Variants in POLQ observed in about 807,000 individuals in gnomAD.
POLQ encodes the protein epididymis secretory sperm binding protein.
In POLQ, 233 loss-of-function variants were observed where a neutral mutation model predicts 259.2. The ratio of observed to expected loss-of-function variants is 0.90; its 90% CI spans 0.81 to 1.00. The LOEUF is 1.00. Ranked by LOEUF, POLQ falls within the 50% of genes least tolerant of loss-of-function variation. The pLI is 0.00. For missense variants in POLQ, 2,871 were observed against 3,051.6 expected (o/e 0.94, Z 1.39); for synonymous variants, 1,025 against 1,048.8 (o/e 0.98, Z 0.44).
intron 14 of POLQ, chr3:121,494,467 G>C: frequency 6.7e-7 from 1 of 1,497,218 alleles, no homozygotes; most frequent in Non-Finnish European, 9.2e-7. Context: ...GGGCCAAGAA[G>C]AAAGCTGCTG....
chr3:121,462,211 AC>A (rs1204025967), intron 24 of POLQ, among the ~76,000 whole-genome samples: 2 of 152,190 alleles, frequency 1.3e-5, no homozygotes, highest in Non-Finnish European at 2.9e-5. Context: ...AATGGCCACA[AC>A]TTTGGTGGAC....
intron 14 of POLQ, chr3:121,494,841 A>T (rs778717917): frequency 6.9e-5 from 110 of 1,584,576 alleles, no homozygotes; most frequent in Middle Eastern, 2.3e-4. Context: ...CTGGGTCCTA[A>T]GTCTGTGGCT....
At position 121,501,060 on chromosome 3, in the gene POLQ, C is replaced by T. The variant is rs932751964; in HGVS notation, c.1960-2390G>A. On this transcript the variant is annotated intron_variant, in intron 12 of 29. Transcript: ENST00000264233. ...CTCACTGCAACCTCCACCTCCTGGG[C>T]GGAAGCCATCCTCCCACCTCAGCCT... Among the ~76,000 whole-genome samples, 10 of 152,236 alleles carry T rather than the reference C, an allele frequency of 6.6e-5. No individual in the cohort carries two copies. In the East Asian group the frequency reaches 1.4e-3, roughly 21 times the overall value.
chr3:121,454,289 TAA>T (rs1215963002), intron 25 of POLQ, among the ~76,000 whole-genome samples: 4 of 152,274 alleles, frequency 2.6e-5, no homozygotes, highest in African/African-American at 7.2e-5. Context: ...TGCCAAATTG[TAA>T]AGACCATTGA....
chr3:121,522,284 C>CCT (rs2048342413), intron 7 of POLQ, 135 bp from the exon 8 acceptor site: 3 of 56,038 alleles, frequency 5.4e-5, no homozygotes, highest in African/African-American at 1.2e-4. Context: ...CCCTGGAGAT[C>CCT]TTTTTTTTTT....
rs2048473760 is a variant in POLQ at position 121,539,464 on chromosome 3, G to A, written c.600C>T (p.Arg200=). ...GATCCATCTTATTTTCCTCTATGAG[G>A]CGATTGATCAGACCATTGGCTCTCT... ...TIERANGLIN[R]LIEENKMDLL... is the part of the protein sequence containing the mutation. The change falls in exon 4 of 30, where the codon CGC becomes CGT. Residue 200 remains arginine (R), a synonymous_variant. Coordinates refer to ENST00000264233, the MANE Select transcript of POLQ (RefSeq NM_199420.4). The A allele has an allele frequency of 6.2e-7, 1 of 1,608,652 alleles. No individual in the cohort carries two copies.
chr3:121,479,362 A>G lies in POLQ; in HGVS notation c.6211+2210T>C, dbSNP rs1323276934. 9.5e-4 allele frequency among the ~76,000 whole-genome samples: 136 copies of G among 142,674 alleles called. No individual in the cohort carries two copies. The East Asian group carries it at 0.015, about 16-fold the overall frequency. 93.6% of individuals were successfully genotyped at this position (142,674 alleles called of 152,430 possible). On this transcript the variant is annotated intron_variant, in intron 19 of 29. Coordinates refer to ENST00000264233, the MANE Select transcript of POLQ (RefSeq NM_199420.4). ...CCCTCATCTCTACAAAAAAAAAAAAATGTGTGTGTGTGTGTGTGTGTGTGT... is the reference window on the plus strand; with the variant it reads ...CCCTCATCTCTACAAAAAAAAAAAAGTGTGTGTGTGTGTGTGTGTGTGTGT...
chr3:121,482,189 G>A (rs1251119729), intron 18 of POLQ, among the ~76,000 whole-genome samples: 1 of 152,196 alleles, frequency 6.6e-6, no homozygotes, highest in Non-Finnish European at 1.5e-5. Flanking sequence ...AGATGGGCCT[G>A]TGAGGTTTTA....
At chr3:121,520,746 G>A (rs2048331075) in intron 8 of POLQ, among the ~76,000 whole-genome samples, 1 of 152,176 alleles carries the variant, frequency 6.6e-6, no homozygotes, top group Middle Eastern at 3.2e-3. Flanking sequence ...AAAACAGATG[G>A]TAGGCTAGAC....
At position 121,490,267 on chromosome 3, in the gene POLQ, C is replaced by A; in HGVS notation, c.2664G>T (p.Gln888His). 6.2e-7 allele frequency: 1 copy of A among 1,614,178 alleles called. No homozygotes were observed. The highest frequency in any genetic ancestry group is 8.5e-7 in the Non-Finnish European group (1 of 1,180,000). ...LIVEEARMIL[Q>H]QDLVEMGVQW... ...GCACTCCCATTTCAACTAAGTCCTG[C>A]TGCAGAATCATTCTGGCTTCTTCCA... The change falls in exon 16 of 30, where the codon CAG becomes CAT. Residue 888 changes from glutamine (Q) to histidine (H), a missense_variant. Physicochemically the swap from Gln to His is conservative, Grantham distance 24. Around this residue, in one of 3 missense-constraint regions of POLQ, gnomAD observed 2,080 missense variants for 2,126.0 expected, o/e 0.98. Transcript: ENST00000264233.
At position 121,488,125 on chromosome 3, in the gene POLQ, G is replaced by A. The variant is rs200383860; in HGVS notation, c.4806C>T (p.His1602=). The A allele has an allele frequency of 1.2e-5, 20 of 1,613,108 alleles. No individual in the cohort carries two copies. Among genetic ancestry groups the A allele is most frequent in the Non-Finnish European group, 1.6e-5 (19 of 1,179,432 alleles). ...ELSDPVLDEH[H]QGDQDGGDQD... ...GATCTCCTCCATCTTGATCACCTTG[G>A]TGGTGCTCATCAAGTACTGGATCAC... The change falls in exon 16 of 30, where the codon CAC becomes CAT. Residue 1602 remains histidine, a synonymous_variant. Coordinates refer to ENST00000264233, the MANE Select transcript of POLQ (RefSeq NM_199420.4).
rs760829013 is a variant in POLQ, at chr3:121,476,557, A to T, written c.6388T>A (p.Ser2130Thr). The T allele has an allele frequency of 1.6e-5, 26 of 1,613,398 alleles. No homozygotes were observed. The highest frequency in any genetic ancestry group is 2.2e-5 in the Non-Finnish European group (26 of 1,179,598). Reference protein sequence around the residue: ...LAGHSFSFTSSDDIAEVLFLE... With the variant: ...LAGHSFSFTSTDDIAEVLFLE... ...GATACAACCTCAGCGATGTCATCTG[A>T]ACTGGTGAAAGAAAAACTGTGGCCA... The change falls in exon 20 of 30, where the codon TCA becomes ACA. Residue 2130 changes from serine (S) to threonine (T), a missense_variant. This residue lies in a region of POLQ where 2,080 missense variants were observed against 2,126.0 expected (regional missense o/e 0.98). Transcript: ENST00000264233.
At chr3:121,498,453 G>A (rs773107260) in intron 13 of POLQ, 24 bp downstream of exon 13, 2 of 1,569,646 alleles carry the variant, frequency 1.3e-6, no homozygotes, top group Non-Finnish European at 1.7e-6. Flanking sequence ...AAATACCGGA[G>A]AGCCCAGAGA....
At chr3:121,486,306 T>C (rs1240600197) in intron 16 of POLQ, among the ~76,000 whole-genome samples, 1 of 152,178 alleles carries the variant, frequency 6.6e-6, no homozygotes, top group Admixed American at 6.5e-5. Context: ...ATCCCAGCAC[T>C]TTGGGAGGCC....
At chr3:121,459,369 A>ATTTTTTTTTTTTTTTTTT (rs58859161) in intron 25 of POLQ, among the ~76,000 whole-genome samples, 14 of 104,738 alleles carry the variant, frequency 1.3e-4, no homozygotes, top group Non-Finnish European at 1.4e-4. Flanking sequence ...GACTAGAAAG[A>ATTTTTTTTTTTTTTTTTT]TTTTTTTTTT....
intron 14 of POLQ, chr3:121,494,265 G>A (rs199732489): frequency 1.0e-5 from 16 of 1,593,196 alleles, no homozygotes; most frequent in Admixed American, 5.0e-5. Flanking sequence ...GACCTCACCC[G>A]CTTTGTGAAA....
intron 9 of POLQ, among the ~76,000 whole-genome samples, chr3:121,515,413 C>G (rs2048287567): frequency 1.3e-5 from 2 of 152,180 alleles, no homozygotes; most frequent in Admixed American, 1.3e-4. Flanking sequence ...GCAACACTGT[C>G]CAAGTACAGA....
In POLQ at chr3:121,498,655, C is replaced by T. The variant is rs2048143932; in HGVS notation, c.1975G>A (p.Glu659Lys). Residue 659 changes from glutamate to lysine, a missense_variant, in exon 13 of 30, where the codon GAG becomes AAG. Around this residue, in one of 3 missense-constraint regions of POLQ, gnomAD observed 783 missense variants for 906.2 expected, o/e 0.86. Coordinates refer to ENST00000264233, the MANE Select transcript of POLQ (RefSeq NM_199420.4). ...HILYLVTPMF[E>K]DWTTIDWYRF... ...TACCAATCAATAGTAGTCCAATCCT[C>T]AAACATAGGTGTAACCTAAAAGGAA... 1 of 1,610,756 alleles carries T rather than the reference C, an allele frequency of 6.2e-7. No individual in the cohort carries two copies. Among genetic ancestry groups the T allele is most frequent in the African/African-American group, 1.3e-5 (1 of 74,966 alleles).
In POLQ at chr3:121,432,932, C is replaced by T. The variant is rs2047509012; in HGVS notation, c.7645G>A (p.Glu2549Lys). Reference sequence around the variant, plus strand: ...TGCAAAAATACCTGAACAACATCTTCTTCTGCCACTTCATATAGGAGTTCA... The same window carrying T: ...TGCAAAAATACCTGAACAACATCTTTTTCTGCCACTTCATATAGGAGTTCA... ...HDELLYEVAEEDVVQVAQIVK... is the reference protein window; with the variant it reads ...HDELLYEVAEKDVVQVAQIVK... Residue 2549 changes from glutamate (E) to lysine (K), a missense_variant, in exon 29 of 30, where the codon GAA (glutamate) becomes AAA (lysine). By Grantham distance (56) the Glu-to-Lys change is moderately conservative. Coordinates refer to ENST00000264233, the MANE Select transcript of POLQ (RefSeq NM_199420.4). The T allele has an allele frequency of 6.3e-7, 1 of 1,588,172 alleles. No individual in the cohort carries two copies. Among genetic ancestry groups the T allele is most frequent in the Non-Finnish European group, 8.6e-7 (1 of 1,156,706 alleles).
Sources: gnomAD v4.1 joint callset for allele counts (sites outside exome capture counted in the v4.1 genomes callset) on GRCh38, gnomAD v4.1.1 for gene constraint, gnomAD v4.1.1 regional missense constraint, MANE v1.5 for transcripts, NCBI Gene and HGNC (gene_info 2026-07-23, HGNC 2026-07-21) for gene names.